DLG2: variants seen among roughly 807,000 people sequenced by gnomAD.
DLG2 encodes the protein discs large MAGUK scaffold protein 2.
DLG2 carries 45 observed loss-of-function variants against 132.5 expected under a neutral mutation model. That is an observed-to-expected ratio of 0.34 (90% CI 0.27 to 0.44). The LOEUF (loss-of-function observed/expected upper bound fraction) is 0.44. Among genes scored for constraint, DLG2 ranks in the 20% least tolerant of loss-of-function variants. The pLI is 1.00. For missense variants in DLG2, 1,045 were observed against 1,196.9 expected (o/e 0.87, Z 1.87); for synonymous variants, 424 against 419.6 (o/e 1.01, Z -0.13).
intron 7 of DLG2, among the ~76,000 whole-genome samples, chr11:84,482,396 C>T (rs762734916): frequency 1.3e-5 from 2 of 152,118 alleles, no homozygotes; most frequent in Non-Finnish European, 2.9e-5. Context: ...GTTAGAAATC[C>T]ATGATCAAAA....
intron 7 of DLG2, among the ~76,000 whole-genome samples, chr11:84,296,570 C>G (rs2098091241): frequency 6.6e-6 from 1 of 152,090 alleles, no homozygotes; most frequent in Non-Finnish European, 1.5e-5. Context: ...TCTGGAGTAG[C>G]TGGAACTACA....
At chr11:85,601,670 C>A (rs1347428461) in intron 2 of DLG2, among the ~76,000 whole-genome samples, 1 of 152,072 alleles carries the variant, frequency 6.6e-6, no homozygotes, top group Non-Finnish European at 1.5e-5. Flanking sequence ...TATTGTCTTG[C>A]AAATTTGCTG....
At chr11:84,499,523 C>T (rs2099196120) in intron 7 of DLG2, among the ~76,000 whole-genome samples, 1 of 152,138 alleles carries the variant, frequency 6.6e-6, no homozygotes, top group African/African-American at 2.4e-5. Flanking sequence ...GCCAAAACTG[C>T]TATACTAAAC....
chr11:83,541,471 T>A (rs1474743646), intron 20 of DLG2, among the ~76,000 whole-genome samples: 2 of 152,186 alleles, frequency 1.3e-5, no homozygotes, highest in Non-Finnish European at 2.9e-5. Context: ...TTATTTCTTG[T>A]CACAGTCACC....
At chr11:84,785,866 T>A (rs2072791979) in intron 6 of DLG2, among the ~76,000 whole-genome samples, 1 of 152,122 alleles carries the variant, frequency 6.6e-6, no homozygotes, top group Admixed American at 6.6e-5. Context: ...TCTTGGTGGA[T>A]AGGTTAATTG....
intron 9 of DLG2, among the ~76,000 whole-genome samples, chr11:84,123,602 A>G (rs2094026085): frequency 6.6e-6 from 1 of 152,110 alleles, no homozygotes; most frequent in Non-Finnish European, 1.5e-5. Flanking sequence ...CCAACTCTGT[A>G]GTAAATTGTT....
chr11:84,545,160 G>T, intron 6 of DLG2: 1 of 451,412 alleles, frequency 2.2e-6, no homozygotes, highest in South Asian at 1.7e-5. Flanking sequence ...CATGGCTAAT[G>T]CTGCTACTGG....
At chr11:84,694,221 C>T (rs1258106270) in intron 6 of DLG2, among the ~76,000 whole-genome samples, 1 of 151,508 alleles carries the variant, frequency 6.6e-6, no homozygotes, top group Non-Finnish European at 1.5e-5. Context: ...TGTGTCTTCT[C>T]ATCAAGAAAA....
intron 18 of DLG2, among the ~76,000 whole-genome samples, chr11:83,736,125 T>C (rs1263003233): frequency 6.6e-6 from 1 of 152,236 alleles, no homozygotes; most frequent in Non-Finnish European, 1.5e-5. Context: ...TAACTCTGCC[T>C]ATGCCACTCT....
intron 6 of DLG2, among the ~76,000 whole-genome samples, chr11:84,678,930 T>A (rs2099721807): frequency 6.6e-6 from 1 of 152,066 alleles, no homozygotes. Flanking sequence ...TTAAACAAGA[T>A]AATGTATGGC....
intron 3 of DLG2, among the ~76,000 whole-genome samples, chr11:85,323,887 AAATCCATT>A (rs2081257598): frequency 6.6e-6 from 1 of 152,120 alleles, no homozygotes; most frequent in Non-Finnish European, 1.5e-5. Context: ...CACTTTTTTT[AAATCCATT>A]AATCTGTTGA....
chr11:85,420,320 G>T (rs1408716932), intron 3 of DLG2, among the ~76,000 whole-genome samples: 1 of 152,120 alleles, frequency 6.6e-6, no homozygotes, highest in Admixed American at 6.5e-5. Context: ...CGTCCCAGAG[G>T]GGTGCCCACC....
At chr11:84,448,657 A>T (rs2099042691) in intron 7 of DLG2, among the ~76,000 whole-genome samples, 1 of 152,034 alleles carries the variant, frequency 6.6e-6, no homozygotes, top group South Asian at 2.1e-4. Context: ...TTTCCAGATA[A>T]CCACCAGACA....
chr11:84,557,590 AT>A (rs1387941902), intron 6 of DLG2, among the ~76,000 whole-genome samples: 1 of 151,872 alleles, frequency 6.6e-6, no homozygotes, highest in East Asian at 1.9e-4. Flanking sequence ...ATTTATGTTG[AT>A]GTGTGCAAAA....
At chr11:85,212,859 C>T (rs1007955006) in intron 4 of DLG2, among the ~76,000 whole-genome samples, 2 of 152,102 alleles carry the variant, frequency 1.3e-5, no homozygotes, top group African/African-American at 2.4e-5. Context: ...CTTTCTCATC[C>T]TATTACCTCA....
chr11:83,635,175 AG>A (rs1184580703), intron 18 of DLG2, among the ~76,000 whole-genome samples: 2 of 152,176 alleles, frequency 1.3e-5, no homozygotes, highest in Non-Finnish European at 2.9e-5. Flanking sequence ...CAGGATTTCA[AG>A]GTTTTAGTGA....
At chr11:85,473,593 C>T (rs1597669209) in intron 3 of DLG2, among the ~76,000 whole-genome samples, 1 of 151,756 alleles carries the variant, frequency 6.6e-6, no homozygotes, top group Non-Finnish European at 1.5e-5. Context: ...AAATTTTTAA[C>T]ATAATGACCA....
intron 3 of DLG2, among the ~76,000 whole-genome samples, chr11:85,457,910 C>T (rs1367389141): frequency 1.3e-5 from 2 of 152,056 alleles, no homozygotes; most frequent in Non-Finnish European, 2.9e-5. Flanking sequence ...GATTATGTGT[C>T]TCGGGGATGG....
At chr11:85,581,820 A>G (rs1299777332) in intron 3 of DLG2, among the ~76,000 whole-genome samples, 1 of 152,122 alleles carries the variant, frequency 6.6e-6, no homozygotes, top group African/African-American at 2.4e-5. Context: ...AGACAATGAG[A>G]AAGTTCTCTT....
Sources: allele counts gnomAD v4.1 joint callset (sites outside exome capture counted in the v4.1 genomes callset), GRCh38; gene constraint gnomAD v4.1.1; transcripts MANE v1.5; gene names NCBI Gene and HGNC (gene_info 2026-07-23, HGNC 2026-07-21).